Variants in PIAS2 observed in about 807,000 individuals in gnomAD.
PIAS2 encodes protein inhibitor of activated STAT 2.
In PIAS2, 19 loss-of-function variants were observed where a neutral mutation model predicts 69.7. The ratio of observed to expected loss-of-function variants is 0.27; its 90% confidence interval spans 0.19 to 0.40. The LOEUF is 0.40. Ranked by LOEUF, PIAS2 falls within the 10% of genes least tolerant of loss-of-function variation. The pLI, the probability that PIAS2 is intolerant of heterozygous loss-of-function variation, is 1.00. For synonymous variants in PIAS2, 261 were observed against 263.2 expected, an observed-to-expected ratio of 0.99 and a Z score of 0.08; for missense variants, 624 against 757.0, an observed-to-expected ratio of 0.82 and a Z score of 2.06.
At chr18:46,823,590 C>G (rs2042442013) in intron 11 of PIAS2, among the ~76,000 whole-genome samples, 1 of 152,174 alleles carries the variant, frequency 6.6e-6, no homozygotes, top group African/African-American at 2.4e-5. Context: ...GAGTAAATAG[C>G]TACTCCTTAC....
At chr18:46,901,101 A>T (rs1169069546) in intron 1 of PIAS2, 1 of 363,492 alleles carries the variant, frequency 2.8e-6, no homozygotes, top group Non-Finnish European at 5.3e-6. Flanking sequence ...ATGATACCAA[A>T]ACAAAACAAA....
At chr18:46,901,279 C>G (rs2055806759) in intron 1 of PIAS2, 1 of 397,146 alleles carries the variant, frequency 2.5e-6, no homozygotes, top group Non-Finnish European at 5.0e-6. Context: ...AGCCATGGCA[C>G]ATGCCTGTAC....
chr18:46,822,093 T>C (rs938729337), intron 11 of PIAS2, among the ~76,000 whole-genome samples: 6 of 152,192 alleles, frequency 3.9e-5, no homozygotes, highest in African/African-American at 1.4e-4. Flanking sequence ...CCTTTCCCTT[T>C]CCTGTTATTG....
At chr18:46,900,908 A>C (rs931776647) in intron 1 of PIAS2, 1 of 267,066 alleles carries the variant, frequency 3.7e-6, no homozygotes, top group Non-Finnish European at 7.3e-6. Context: ...CTAGAGGCGG[A>C]GGTTGCGGTG....
intron 1 of PIAS2, among the ~76,000 whole-genome samples, chr18:46,913,055 G>C (rs528292472): frequency 1.3e-5 from 2 of 152,244 alleles, no homozygotes; most frequent in East Asian, 3.9e-4. Context: ...GTGAAGCCTT[G>C]GAAATTTTAG....
Position 46,812,152 on chromosome 18 carries a change from A to G in PIAS2, c.*281T>C. On this transcript the variant is annotated 3_prime_UTR_variant, in exon 14 of 14. Transcript: ENST00000585916. ...CTTTTTTCACTGATTTGTAGACTCC[A>G]TCCATTAACGTATGAAAGTGAAATC... 4.0e-6 allele frequency: 1 copy of G among 252,524 alleles called. No individual in the cohort carries two copies. The highest frequency in any genetic ancestry group is 7.5e-6 in the Non-Finnish European group (1 of 132,772). 15.6% of individuals were successfully genotyped at this position (252,524 alleles called of 1,614,324 possible).
chr18:46,917,748 G>A (rs1466931316), upstream of PIAS2: 2 of 192,658 alleles, frequency 1.0e-5, no homozygotes, highest in Non-Finnish European at 1.9e-5. Flanking sequence ...GGCGTTATCC[G>A]CGGGCCTGGC....
At chr18:46,833,752 C>T (rs1235502346) in intron 9 of PIAS2, among the ~76,000 whole-genome samples, 1 of 152,112 alleles carries the variant, frequency 6.6e-6, no homozygotes, top group East Asian at 1.9e-4. Flanking sequence ...TTCGTATTGG[C>T]CCAGTAATAC....
intron 13 of PIAS2, among the ~76,000 whole-genome samples, chr18:46,813,686 T>C (rs1466033524): frequency 6.6e-6 from 1 of 152,178 alleles, no homozygotes; most frequent in African/African-American, 2.4e-5. Flanking sequence ...GGCCGGTGAA[T>C]AAAACAGGAA....
At chr18:46,855,977 G>T (rs1325153029) in intron 3 of PIAS2, among the ~76,000 whole-genome samples, 3 of 141,942 alleles carry the variant, frequency 2.1e-5, no homozygotes, top group African/African-American at 7.8e-5. Flanking sequence ...ATCACTTGAA[G>T]ACTTTTTTCT....
At chr18:46,906,526 TA>T (rs1198795157) in intron 1 of PIAS2, among the ~76,000 whole-genome samples, 1 of 152,136 alleles carries the variant, frequency 6.6e-6, no homozygotes, top group African/African-American at 2.4e-5. Context: ...AGTATAATTA[TA>T]AAAAGTTAAT....
chr18:46,850,806 C>A (rs2046851890), intron 5 of PIAS2, among the ~76,000 whole-genome samples: 1 of 152,158 alleles, frequency 6.6e-6, no homozygotes, highest in South Asian at 2.1e-4. Flanking sequence ...AATTCTATTA[C>A]CCTTTTGATT....
chr18:46,871,899 C>T (rs2050411231), intron 2 of PIAS2, among the ~76,000 whole-genome samples: 1 of 152,174 alleles, frequency 6.6e-6, no homozygotes, highest in Non-Finnish European at 1.5e-5. Flanking sequence ...GATTTCTCAC[C>T]TCATTAAATC....
At chr18:46,817,250 G>C (rs1027995386) in intron 12 of PIAS2, 2 of 983,358 alleles carry the variant, frequency 2.0e-6, no homozygotes, top group African/African-American at 3.5e-5. Context: ...ATAACGCTAA[G>C]TATTGACAAT....
intron 9 of PIAS2, among the ~76,000 whole-genome samples, chr18:46,832,892 C>CAAAAAAAAAAAAAAAAAAAAAAA (rs34958166): frequency 3.4e-4 from 36 of 105,950 alleles, no homozygotes; most frequent in Non-Finnish European, 5.3e-4. Context: ...CCTCTGTCTC[C>CAAAAAAAAAAAAAAAAAAAAAAA]AAAAAAAAAA....
chr18:46,843,389 C>T (rs2045705802), intron 8 of PIAS2, among the ~76,000 whole-genome samples: 1 of 152,168 alleles, frequency 6.6e-6, no homozygotes, highest in Admixed American at 6.5e-5. Context: ...AAGGGTTCCC[C>T]TCCAATTCAT....
chr18:46,826,205 GA>G (rs761460709), intron 11 of PIAS2, among the ~76,000 whole-genome samples: 1 of 152,176 alleles, frequency 6.6e-6, no homozygotes, highest in Non-Finnish European at 1.5e-5. Context: ...CCTAAATGAG[GA>G]ACCTTAACAT....
chr18:46,872,623 C>T (rs900668345), intron 2 of PIAS2, among the ~76,000 whole-genome samples: 12 of 152,184 alleles, frequency 7.9e-5, no homozygotes, highest in Non-Finnish European at 1.8e-4. Flanking sequence ...AAGGAAAGCT[C>T]CGATCTGTGG....
In PIAS2 at chr18:46,903,922, T is replaced by C. The variant is rs531953078; in HGVS notation, c.25-12868A>G. 1.2e-4 allele frequency among the ~76,000 whole-genome samples: 18 copies of C among 152,334 alleles called. No individual in the cohort carries two copies. In the South Asian group the frequency reaches 3.7e-3, roughly 32 times the overall value. The stretch of plus-strand genomic sequence containing the variant: ...AGCTGTTTATATACAACAACTTGGA[T>C]GAATTTCCAGAATTATGCTGAATGA... On this transcript the variant is annotated intron_variant, in intron 1 of 13. Transcript: ENST00000585916.
Sources: allele counts gnomAD v4.1 joint callset (sites outside exome capture counted in the v4.1 genomes callset), GRCh38; gene constraint gnomAD v4.1.1; transcripts MANE v1.5; gene names NCBI Gene and HGNC (gene_info 2026-07-23, HGNC 2026-07-21).